BPNT1: variants seen among roughly 807,000 people sequenced by gnomAD.
The protein encoded by BPNT1 is 3'(2'), 5'-bisphosphate nucleotidase 1.
BPNT1 carries 28 observed loss-of-function variants against 36.9 expected under a neutral mutation model. The observed-to-expected ratio is 0.76, with a 90% CI of 0.56 to 1.04. The LOEUF (loss-of-function observed/expected upper bound fraction) is 1.04. Among genes scored for constraint, BPNT1 ranks in the 50% least tolerant of loss-of-function variants. BPNT1 has a pLI of 0.00. For missense variants in BPNT1, 313 were observed against 372.9 expected, an observed-to-expected ratio of 0.84 and a Z score of 1.32; for synonymous variants, 119 against 130.9, an observed-to-expected ratio of 0.91 and a Z score of 0.62.
At chr1:220,067,259 T>A (rs1270964592) in intron 6 of BPNT1, 43 bp downstream of exon 6, 2 of 1,316,768 alleles carry the variant, frequency 1.5e-6, no homozygotes, top group East Asian at 2.6e-5. Flanking sequence ...AACACTATAA[T>A]TATTTATCTA....
chr1:220,060,613 C>G (rs1662937097), intron 7 of BPNT1, among the ~76,000 whole-genome samples: 1 of 152,130 alleles, frequency 6.6e-6, no homozygotes, highest in Non-Finnish European at 1.5e-5. Context: ...CTAACAAATA[C>G]TTTCATAAGT....
rs151076476 is a variant in BPNT1, at chr1:220,075,774, G to A, written c.121-1703C>T. On this transcript the variant is annotated intron_variant, in intron 2 of 8. Coordinates refer to ENST00000322067, the MANE Select transcript of BPNT1 (RefSeq NM_006085.6). ...GATTTTGCTGTTTTTTTAAAAATAA[G>A]GTATCAACGGAAGGATATAAAGTAC... Among the ~76,000 whole-genome samples, 279 of 152,178 alleles carry A rather than the reference G, an allele frequency of 1.8e-3. 1 individual carries two copies. Among genetic ancestry groups the A allele is most frequent in the Non-Finnish European group, 2.9e-3 (199 of 68,010 alleles).
At chr1:220,071,883 C>T (rs1489954540) in intron 4 of BPNT1, among the ~76,000 whole-genome samples, 1 of 151,592 alleles carries the variant, frequency 6.6e-6, no homozygotes, top group Non-Finnish European at 1.5e-5. Flanking sequence ...GACGGGGATT[C>T]TCCATGTTGG....
intron 3 of BPNT1, 53 bp from the exon 4 acceptor site, chr1:220,073,010 T>C: frequency 5.1e-6 from 7 of 1,379,032 alleles, no homozygotes; most frequent in Non-Finnish European, 7.2e-6. Flanking sequence ...GTTTACAGAG[T>C]ATGCTTTGTC....
At chr1:220,067,631 C>G (rs1663658709) in intron 5 of BPNT1, among the ~76,000 whole-genome samples, 1 of 152,118 alleles carries the variant, frequency 6.6e-6, no homozygotes, top group African/African-American at 2.4e-5. Context: ...ATGTGTAAAC[C>G]AACTAAATAA....
At chr1:220,082,776 G>A (rs1211501898) in intron 1 of BPNT1, among the ~76,000 whole-genome samples, 5 of 151,514 alleles carry the variant, frequency 3.3e-5, no homozygotes, top group African/African-American at 1.2e-4. Flanking sequence ...TAGTAGAGAC[G>A]GGGATTCACC....
rs1473221298 is a variant in BPNT1, at chr1:220,062,855, T to TC, written c.573_574insG (p.Ile192AspfsTer8). 6.2e-7 allele frequency: 1 copy of TC among 1,614,006 alleles called. No homozygotes were observed. The highest frequency in any genetic ancestry group is 1.3e-5 in the African/African-American group (1 of 74,906). Reference sequence around the variant, plus strand: ...TTGCTATGGGATCGAGTAGTTGTGATAATGTGTTTCCCAGCAGGGACTTCT... The same window carrying TC: ...TTGCTATGGGATCGAGTAGTTGTGATCAATGTGTTTCCCAGCAGGGACTTCT... On this transcript the variant is annotated frameshift_variant, in exon 7 of 9. Transcript: ENST00000322067. LOFTEE classifies it high-confidence loss of function.
chr1:220,061,995 T>A (rs1006707128), intron 7 of BPNT1, among the ~76,000 whole-genome samples: 2 of 151,250 alleles, frequency 1.3e-5, no homozygotes, highest in Admixed American at 6.6e-5. Context: ...GCAAGAAGCA[T>A]GGAGTCATCC....
intron 2 of BPNT1, among the ~76,000 whole-genome samples, chr1:220,078,477 A>C (rs1048628998): frequency 4.2e-5 from 4 of 94,824 alleles, no homozygotes; most frequent in Admixed American, 2.7e-4. Context: ...ATAATTTATA[A>C]TAAATAATAA....
intron 6 of BPNT1, 29 bp from the exon 7 acceptor site, chr1:220,062,983 TGTG>T (rs763775741): frequency 1.2e-6 from 2 of 1,604,658 alleles, no homozygotes; most frequent in Non-Finnish European, 1.7e-6. Flanking sequence ...CAACAAGACT[TGTG>T]GTTATTTGGA....
At chr1:220,077,804 A>G (rs1664689108) in intron 2 of BPNT1, among the ~76,000 whole-genome samples, 1 of 152,164 alleles carries the variant, frequency 6.6e-6, no homozygotes, top group Non-Finnish European at 1.5e-5. Context: ...GCTAATGATA[A>G]ATCATATCCT....
At chr1:220,089,274 C>T (rs903670856) in intron 1 of BPNT1, among the ~76,000 whole-genome samples, 4 of 152,060 alleles carry the variant, frequency 2.6e-5, no homozygotes, top group African/African-American at 7.2e-5. Flanking sequence ...TTTTGAGAAC[C>T]TTAATAAAAG....
At position 220,079,762 on chromosome 1, in the gene BPNT1, C is replaced by G. The variant is rs1345583045; in HGVS notation, c.85G>C (p.Val29Leu). The part of the protein sequence containing the change: ...AQKAGMIVRR[V>L]IAEGDLGIVE... ...ATACCCAGGTCTCCTTCAGCAATAA[C>G]ACGTCTGACTATCATTCCTGCCTTT... Residue 29 changes from valine to leucine, a missense_variant, in exon 2 of 9, where the codon GTT becomes CTT. Val to Leu is a conservative substitution (Grantham distance 32). Coordinates refer to ENST00000322067, the MANE Select transcript of BPNT1 (RefSeq NM_006085.6). 3 of 1,614,016 alleles carry G rather than the reference C, an allele frequency of 1.9e-6. No homozygotes were observed. The highest frequency in any genetic ancestry group is 2.5e-6 in the Non-Finnish European group (3 of 1,180,010).
chr1:220,076,415 G>A (rs571186033), intron 2 of BPNT1, among the ~76,000 whole-genome samples: 8 of 151,012 alleles, frequency 5.3e-5, no homozygotes, highest in East Asian at 1.9e-4. Flanking sequence ...GCAGGAAAAC[G>A]GCATGAACCT....
chr1:220,073,940 T>TA (rs1337871098), intron 3 of BPNT1, 27 bp downstream of exon 3: 4 of 1,596,178 alleles, frequency 2.5e-6, no homozygotes, highest in African/African-American at 2.7e-5. Flanking sequence ...ACAGAGATTT[T>TA]AAAAAAATGT....
chr1:220,066,156 A>G (rs758975730), intron 6 of BPNT1: 47 of 1,429,214 alleles, frequency 3.3e-5, no homozygotes, highest in South Asian at 3.3e-4. Context: ...TCTCAGAAAG[A>G]AGTGGTGAAA....
Position 220,057,925 on chromosome 1 carries a change from C to T in BPNT1, c.*919G>A, listed in dbSNP as rs978400471. ...AGGTGCGGTGGCTCACACCTGTAATCCCAGCACTTTGGGAGTCCGAGGCAG... is the reference window on the plus strand; with the variant it reads ...AGGTGCGGTGGCTCACACCTGTAATTCCAGCACTTTGGGAGTCCGAGGCAG... On this transcript the variant is annotated 3_prime_UTR_variant, in exon 9 of 9. Coordinates refer to ENST00000322067, the MANE Select transcript of BPNT1 (RefSeq NM_006085.6). 2.0e-5 allele frequency: 24 copies of T among 1,221,182 alleles called. No homozygotes were observed. The highest frequency in any genetic ancestry group is 2.6e-5 in the South Asian group (2 of 78,146). The allele number at this position is 1,221,182 out of a possible 1,614,324, so 75.6% of individuals were successfully genotyped here.
rs769514097 is a variant in BPNT1 at position 220,079,744 on chromosome 1, G to T, written c.103C>A (p.Leu35Met). 1 of 1,614,100 alleles carries T rather than the reference G, an allele frequency of 6.2e-7. No individual in the cohort carries two copies. The highest frequency in any genetic ancestry group is 1.1e-5 in the South Asian group (1 of 91,072). Residue 35 changes from leucine to methionine, a missense_variant, in exon 2 of 9, where the codon CTG (leucine) becomes ATG (methionine). By Grantham distance (15) the Leu-to-Met change is conservative. Transcript: ENST00000322067. ...TTGAGTACCTTCTCCACAATACCCA[G>T]GTCTCCTTCAGCAATAACACGTCTG... ...IVRRVIAEGDLGIVEKTCATD... is the reference protein window; with the variant it reads ...IVRRVIAEGDMGIVEKTCATD...
chr1:220,074,802 C>T (rs762772739), intron 2 of BPNT1, among the ~76,000 whole-genome samples: 3 of 151,978 alleles, frequency 2.0e-5, no homozygotes, highest in African/African-American at 7.2e-5. Flanking sequence ...CCTAAGAAAT[C>T]CTGTTTCTAA....
Sources: allele counts gnomAD v4.1 joint callset (sites outside exome capture counted in the v4.1 genomes callset), GRCh38; gene constraint gnomAD v4.1.1; transcripts MANE v1.5; gene names NCBI Gene and HGNC (gene_info 2026-07-23, HGNC 2026-07-21).